PCDHGB6: variants seen among roughly 807,000 people sequenced by gnomAD.
PCDHGB6 encodes the protein protocadherin gamma subfamily B, 6, also known as protocadherin gamma-B6.
Under a neutral mutation model 59.1 loss-of-function variants are expected in PCDHGB6, and 51 were observed. That is an observed-to-expected ratio of 0.86 (90% CI 0.69 to 1.09). The LOEUF is 1.09. Ranked by LOEUF, PCDHGB6 falls within the 50% of genes least tolerant of loss-of-function variation. The pLI is 0.00. For synonymous variants in PCDHGB6, 466 were observed against 495.1 expected, an observed-to-expected ratio of 0.94 and a Z score of 0.78; for missense variants, 1,148 against 1,205.1, an observed-to-expected ratio of 0.95 and a Z score of 0.70.
intron 1 of PCDHGB6, among the ~76,000 whole-genome samples, chr5:141,492,421 C>G (rs986772215): frequency 5.9e-5 from 9 of 152,250 alleles, no homozygotes; most frequent in African/African-American, 1.9e-4. Context: ...CTCCCTCCGC[C>G]GGGCTCAGGA....
At chr5:141,418,310 G>C (rs778649723) in intron 1 of PCDHGB6, 2 of 1,613,990 alleles carry the variant, frequency 1.2e-6, no homozygotes, top group Non-Finnish European at 1.7e-6. Context: ...CCTGGGGATG[G>C]GAACAATTCT....
intron 1 of PCDHGB6, among the ~76,000 whole-genome samples, chr5:141,450,830 T>A (rs923422605): frequency 3.0e-5 from 3 of 101,548 alleles, no homozygotes; most frequent in African/African-American, 1.3e-4. Context: ...ATTATTATTA[T>A]TTTTTTTTTT....
In PCDHGB6 at chr5:141,408,202, G is replaced by A. The variant is rs778320550; in HGVS notation, c.-1G>A. 6 of 1,549,832 alleles carry A rather than the reference G, an allele frequency of 3.9e-6. No individual in the cohort carries two copies. Among genetic ancestry groups the A allele is most frequent in the African/African-American group, 1.4e-5 (1 of 73,016 alleles). ...GGACCCAGCGAGAACCCGAGCGAAC[G>A]ATGGGAGGGAGCTGCGCGCAGAGGC... On this transcript the variant is annotated 5_prime_UTR_variant, in exon 1 of 4. Transcript: ENST00000520790.
At chr5:141,419,182 C>T in intron 1 of PCDHGB6, 2 of 1,613,986 alleles carry the variant, frequency 1.2e-6, no homozygotes, top group Non-Finnish European at 1.7e-6. Context: ...TAACCCTGCA[C>T]ATTACTGACG....
chr5:141,509,447 C>T (rs898280593), intron 3 of PCDHGB6, among the ~76,000 whole-genome samples: 2 of 152,128 alleles, frequency 1.3e-5, no homozygotes, highest in Admixed American at 6.5e-5. Context: ...CCTCCTCTCC[C>T]ACCCCCGACC....
At chr5:141,480,894 C>CA (rs1235468010) in intron 1 of PCDHGB6, among the ~76,000 whole-genome samples, 15 of 151,848 alleles carry the variant, frequency 9.9e-5, no homozygotes, top group African/African-American at 3.4e-4. Context: ...AAAATGCAAA[C>CA]ATTAGCTGGG....
chr5:141,413,533 C>G, intron 1 of PCDHGB6: 1 of 1,613,934 alleles, frequency 6.2e-7, no homozygotes, highest in Non-Finnish European at 8.5e-7. Flanking sequence ...CAGGGTGAAA[C>G]TTTTTGGGAT....
chr5:141,444,565 C>G (rs2098441175), intron 1 of PCDHGB6, among the ~76,000 whole-genome samples: 1 of 152,124 alleles, frequency 6.6e-6, no homozygotes, highest in Non-Finnish European at 1.5e-5. Flanking sequence ...TTATTTGACA[C>G]TTTTGACTCT....
Position 141,477,876 on chromosome 5 carries a change from G to A in PCDHGB6, c.2419-16931G>A, listed in dbSNP as rs1412801533. The A allele has an allele frequency of 4.3e-6, 7 of 1,614,144 alleles. No individual in the cohort carries two copies. Among genetic ancestry groups the A allele is most frequent in the Non-Finnish European group, 5.9e-6 (7 of 1,180,030 alleles). ...ATGCTGCCTCGAGGTACCTCAGCTG[G>A]CCACCTAGTGTCACGGGTGGTAGGC... On this transcript the variant is annotated intron_variant, in intron 1 of 3. Coordinates refer to ENST00000520790, the MANE Select transcript of PCDHGB6 (RefSeq NM_018926.3). The surrounding 1 kb of genome is among the most constrained non-coding windows in gnomAD (Gnocchi z 4.9).
intron 2 of PCDHGB6, among the ~76,000 whole-genome samples, chr5:141,500,189 TTTATTTATTTA>T (rs1562193895): frequency 9.9e-5 from 11 of 110,956 alleles, no homozygotes; most frequent in Middle Eastern, 4.3e-3. Flanking sequence ...TTTATTTTTA[TTTATTTATTTA>T]TTTATTTATT....
intron 1 of PCDHGB6, among the ~76,000 whole-genome samples, chr5:141,436,848 AT>A (rs1247905529): frequency 6.6e-6 from 1 of 152,244 alleles, no homozygotes; most frequent in African/African-American, 2.4e-5. Flanking sequence ...CACATTCTTG[AT>A]TGAGAAGCCA....
chr5:141,437,223 C>G (rs555637738), intron 1 of PCDHGB6, among the ~76,000 whole-genome samples: 1 of 152,198 alleles, frequency 6.6e-6, no homozygotes, highest in Admixed American at 6.5e-5. Context: ...TGATTCCAGT[C>G]ATAAAATTAT....
In PCDHGB6 at chr5:141,476,715, G is replaced by A. The variant is rs199871912; in HGVS notation, c.2419-18092G>A. 12 of 1,614,168 alleles carry A rather than the reference G, an allele frequency of 7.4e-6. No individual in the cohort carries two copies. The highest frequency in any genetic ancestry group is 1.7e-5 in the Admixed American group (1 of 60,032). On this transcript the variant is annotated intron_variant, in intron 1 of 3. Coordinates refer to ENST00000520790, the MANE Select transcript of PCDHGB6 (RefSeq NM_018926.3). The surrounding 1 kb of genome is among the most constrained non-coding windows in gnomAD (Gnocchi z 7.6). ...AAGTACGCGGAGCTGGTGTTGGAGC[G>A]CGCCCTGGACCGAGAACGGGAGCCT...
intron 1 of PCDHGB6, among the ~76,000 whole-genome samples, chr5:141,446,764 G>A (rs2098514605): frequency 6.6e-6 from 1 of 152,214 alleles, no homozygotes; most frequent in Non-Finnish European, 1.5e-5. Context: ...ACCGCGCCCA[G>A]CCGGTTACCA....
In PCDHGB6 at chr5:141,511,197, C is replaced by A; in HGVS notation, c.*24C>A. 1 of 1,613,140 alleles carries A rather than the reference C, an allele frequency of 6.2e-7. No individual in the cohort carries two copies. Among genetic ancestry groups the A allele is most frequent in the Non-Finnish European group, 8.5e-7 (1 of 1,179,524 alleles). Reference sequence around the variant, plus strand: ...AACATGGAGGCCAGGCCAAGAGCCACAGGGCGGCCTCTCCCCAACCAGCCC... The same window carrying A: ...AACATGGAGGCCAGGCCAAGAGCCAAAGGGCGGCCTCTCCCCAACCAGCCC... On this transcript the variant is annotated 3_prime_UTR_variant, in exon 4 of 4. Transcript: ENST00000520790.
rs922668811 is a variant in PCDHGB6 at position 141,432,984 on chromosome 5, G to A, written c.2418+22364G>A. On this transcript the variant is annotated intron_variant, in intron 1 of 3. Transcript: ENST00000520790. This position sits in a 1 kb window ranked among gnomAD's most constrained non-coding sequence, Gnocchi z 6.0. ...GGAGCGCCGGCGTCGCACTTTGTGG[G>A]CGTGGACGGGGTGCAGGCTTTCCTG... 1.9e-6 allele frequency: 3 copies of A among 1,614,214 alleles called. No individual in the cohort carries two copies. Among genetic ancestry groups the A allele is most frequent in the Admixed American group, 1.7e-5 (1 of 60,028 alleles).
chr5:141,414,726 C>G (rs761022941), intron 1 of PCDHGB6: 5 of 1,614,196 alleles, frequency 3.1e-6, no homozygotes, highest in Non-Finnish European at 4.2e-6. Context: ...ACACTGGCGT[C>G]CTGTATGCAC....
intron 1 of PCDHGB6, among the ~76,000 whole-genome samples, chr5:141,450,814 A>C (rs990515429): frequency 1.5e-5 from 2 of 136,790 alleles, no homozygotes; most frequent in Non-Finnish European, 3.1e-5. Context: ...TTATTTATTT[A>C]ATATTATTAT....
At chr5:141,508,718 G>T (rs2099871076) in intron 3 of PCDHGB6, among the ~76,000 whole-genome samples, 1 of 151,852 alleles carries the variant, frequency 6.6e-6, no homozygotes, top group Non-Finnish European at 1.5e-5. Flanking sequence ...TTTTCTGTGT[G>T]CAGGGAGACT....
Sources: allele counts gnomAD v4.1 joint callset (sites outside exome capture counted in the v4.1 genomes callset), GRCh38; gene constraint gnomAD v4.1.1; non-coding constraint Gnocchi (gnomAD v3.1); transcripts MANE v1.5; gene names NCBI Gene and HGNC (gene_info 2026-07-23, HGNC 2026-07-21).